The following IER3IP1 variants were observed in gnomAD, a reference collection of about 807,000 sequenced individuals.
IER3IP1 encodes the protein immediate early response 3-interacting protein 1.
A neutral mutation model predicts 12.2 loss-of-function variants in IER3IP1; 16 were observed. The observed-to-expected ratio is 1.31, with a 90% CI of 0.89 to 1.99. IER3IP1 has a LOEUF of 1.99. Among genes scored for constraint, IER3IP1 ranks in the 30% most tolerant of loss-of-function variants. IER3IP1 has a pLI of 0.00. For missense variants in IER3IP1, 95 were observed against 95.8 expected, an observed-to-expected ratio of 0.99 and a Z score of 0.03; for synonymous variants, 42 against 40.0, an observed-to-expected ratio of 1.05 and a Z score of -0.19.
chr18:47,163,552 G>C (rs2063986413), intron 1 of IER3IP1, among the ~76,000 whole-genome samples: 1 of 152,192 alleles, frequency 6.6e-6, no homozygotes, highest in Non-Finnish European at 1.5e-5. Flanking sequence ...TGTGAAATAA[G>C]GGAGGACTAG....
intron 1 of IER3IP1, among the ~76,000 whole-genome samples, chr18:47,168,455 C>A (rs573340960): frequency 6.6e-6 from 1 of 152,172 alleles, no homozygotes; most frequent in South Asian, 2.1e-4. Flanking sequence ...GATTTCAAAA[C>A]CATGAAGGAA....
intron 1 of IER3IP1, among the ~76,000 whole-genome samples, chr18:47,169,922 T>C (rs1164080711): frequency 6.6e-6 from 1 of 152,188 alleles, no homozygotes; most frequent in Admixed American, 6.5e-5. Flanking sequence ...ATGAACTTTT[T>C]AAAATTTTGA....
intron 1 of IER3IP1, among the ~76,000 whole-genome samples, chr18:47,159,502 A>G (rs1398912011): frequency 6.6e-6 from 1 of 152,264 alleles, no homozygotes; most frequent in Non-Finnish European, 1.5e-5. Flanking sequence ...AGAACTCTCA[A>G]AAGTCTCTAC....
Position 47,153,637 on chromosome 18 carries a change from ATG to A in IER3IP1, c.*2538_*2539del, listed in dbSNP as rs966268389. The stretch of plus-strand genomic sequence containing the variant: ...TTAGCTCCCACTTATAAGTAATAAC[ATG>A]TGGTATTTGGTTTTCTGTTCCTACA... On this transcript the variant is annotated 3_prime_UTR_variant, in exon 3 of 3. Coordinates refer to ENST00000256433, the MANE Select transcript of IER3IP1 (RefSeq NM_016097.5). 3.7e-5 allele frequency: 2 copies of A among 53,976 alleles called. No homozygotes were observed. The highest frequency in any genetic ancestry group is 1.0e-4 in the Non-Finnish European group (2 of 19,122). The allele number at this position is 53,976 out of a possible 1,614,324, so 3.3% of individuals were successfully genotyped here. A position where few individuals can be genotyped will look rare whatever the true frequency, so the allele number is the denominator to read the frequency against.
intron 1 of IER3IP1, 59 bp downstream of exon 1, chr18:47,176,128 G>T: frequency 2.1e-6 from 3 of 1,427,802 alleles, no homozygotes; most frequent in Non-Finnish European, 2.9e-6. Flanking sequence ...GCCCCATTAG[G>T]TTACGCGCCC....
rs2064033292 is a variant in IER3IP1, at chr18:47,176,241, G to C, written c.37C>G (p.Leu13Val). The C allele has an allele frequency of 6.2e-7, 1 of 1,609,300 alleles. No homozygotes were observed. Among genetic ancestry groups the C allele is most frequent in the Non-Finnish European group, 8.5e-7 (1 of 1,178,216 alleles). ...ACTGCGATGGCGTTGACGCAGAGCA[G>C]GGCTGCCTGCAGCAGTGAGTACAGG... ...FTLYSLLQAA[L>V]LCVNAIAVLH... Residue 13 changes from leucine (L) to valine (V), a missense_variant, in exon 1 of 3, where the codon CTG (leucine) becomes GTG (valine). Leu to Val is a conservative substitution (Grantham distance 32, BLOSUM62 1). Coordinates refer to ENST00000256433, the MANE Select transcript of IER3IP1 (RefSeq NM_016097.5).
intron 1 of IER3IP1, among the ~76,000 whole-genome samples, chr18:47,165,291 G>A (rs374852519): frequency 1.3e-5 from 2 of 152,144 alleles, no homozygotes; most frequent in East Asian, 1.9e-4. Flanking sequence ...GATGGCTCAC[G>A]CCTGTAATCT....
At position 47,172,759 on chromosome 18, in the gene IER3IP1, A is replaced by G. The variant is rs2064019409; in HGVS notation, c.91+3428T>C. Among the ~76,000 whole-genome samples the G allele has an allele frequency of 6.6e-6, 1 of 152,168 alleles. No homozygotes were observed. ...ACAACTGAAAAGTGTGGAAAGACAAACCACAGATGAGGGGGGACTACTGTA... is the reference window on the plus strand; with the variant it reads ...ACAACTGAAAAGTGTGGAAAGACAAGCCACAGATGAGGGGGGACTACTGTA... On this transcript the variant is annotated intron_variant, in intron 1 of 2. Coordinates refer to ENST00000256433, the MANE Select transcript of IER3IP1 (RefSeq NM_016097.5). This position sits in a 1 kb window ranked among gnomAD's most constrained non-coding sequence, Gnocchi z 4.0.
rs1490525010 is a variant in IER3IP1 at position 47,163,961 on chromosome 18, A to C, written c.92-6424T>G. ...ATTGGTAAAATTATCAATCCTTTCC[A>C]TCCACAGCCACAATTTCGCATATGG... On this transcript the variant is annotated intron_variant, in intron 1 of 2. Transcript: ENST00000256433. Among the ~76,000 whole-genome samples, 10 of 152,210 alleles carry C rather than the reference A, an allele frequency of 6.6e-5. 1 individual carries two copies. In the East Asian group the frequency reaches 1.9e-3, roughly 29 times the overall value.
In IER3IP1 at chr18:47,155,188, G is replaced by A. The variant is rs1236633828; in HGVS notation, c.*989C>T. 6.6e-6 allele frequency: 1 copy of A among 152,064 alleles called. No homozygotes were observed. The highest frequency in any genetic ancestry group is 2.4e-5 in the African/African-American group (1 of 41,420). 9.4% of individuals were successfully genotyped at this position (152,064 alleles called of 1,614,324 possible). A position where few individuals can be genotyped will look rare whatever the true frequency, so the allele number is the denominator to read the frequency against. On this transcript the variant is annotated 3_prime_UTR_variant, in exon 3 of 3. Coordinates refer to ENST00000256433, the MANE Select transcript of IER3IP1 (RefSeq NM_016097.5). ...CTGCATAAAACTGTATTATGAGATA[G>A]GCAAACAATCTCACAAGATGGTCTG...
At chr18:47,170,093 T>TA (rs1382571492) in intron 1 of IER3IP1, among the ~76,000 whole-genome samples, 1 of 152,174 alleles carries the variant, frequency 6.6e-6, no homozygotes, top group Admixed American at 6.5e-5. Context: ...GATTATGAGT[T>TA]AATTTTTGAA....
intron 1 of IER3IP1, among the ~76,000 whole-genome samples, chr18:47,157,982 T>G (rs533738622): frequency 6.6e-6 from 1 of 152,214 alleles, no homozygotes; most frequent in Admixed American, 6.5e-5. Flanking sequence ...TGAGAATCAC[T>G]GTCTACATTA....
intron 1 of IER3IP1, among the ~76,000 whole-genome samples, chr18:47,159,685 C>T (rs2063973381): frequency 6.6e-6 from 1 of 152,030 alleles, no homozygotes; most frequent in East Asian, 1.9e-4. Context: ...AGATTATGGG[C>T]AATTGCATGG....
intron 1 of IER3IP1, among the ~76,000 whole-genome samples, chr18:47,170,035 T>C (rs79906843): frequency 0.016 from 2,473 of 152,284 alleles, 23 homozygotes; most frequent in Non-Finnish European, 0.026. Flanking sequence ...TGTCTGTATG[T>C]TCTTCTAAGG....
rs1600005488 is a variant in IER3IP1 at position 47,176,071 on chromosome 18, A to T, written c.91+116T>A. The T allele has an allele frequency of 4.6e-6, 4 of 861,222 alleles. No individual in the cohort carries two copies. In the East Asian group the frequency reaches 1.1e-4, roughly 23 times the overall value. The allele number at this position is 861,222 out of a possible 1,614,324, so 53.3% of individuals were successfully genotyped here. On this transcript the variant is annotated intron_variant, in intron 1 of 2. Transcript: ENST00000256433. Reference sequence around the variant, plus strand: ...AAGGCTCGGCTTCCACTCCAAGCCGAGCCTTCCGCTGTTCTTCTGTCCCGG... The same window carrying T: ...AAGGCTCGGCTTCCACTCCAAGCCGTGCCTTCCGCTGTTCTTCTGTCCCGG...
In IER3IP1 at chr18:47,176,216, A is replaced by C. The variant is rs387907011; in HGVS notation, c.62T>G (p.Val21Gly). The C allele has an allele frequency of 2.5e-6, 4 of 1,606,954 alleles. No individual in the cohort carries two copies. The Admixed American group carries it at 5.1e-5, about 20-fold the overall frequency. ...CTTGAGGAATCGCTCCTCGTGCAGC[A>C]CTGCGATGGCGTTGACGCAGAGCAG... ...AALLCVNAIA[V>G]LHEERFLKNI... is the part of the protein sequence containing the mutation. The change falls in exon 1 of 3, where the codon GTG (valine) becomes GGG (glycine). Residue 21 changes from valine to glycine, a missense_variant. Transcript: ENST00000256433.
At chr18:47,163,786 C>T (rs1230060537) in intron 1 of IER3IP1, among the ~76,000 whole-genome samples, 1 of 152,068 alleles carries the variant, frequency 6.6e-6, no homozygotes, top group Admixed American at 6.6e-5. Flanking sequence ...AAAAAGAAAG[C>T]CCTCTGCAAT....
chr18:47,156,036 G>T lies in IER3IP1; in HGVS notation c.*141C>A. 8 of 612,060 alleles carry T rather than the reference G, an allele frequency of 1.3e-5. No homozygotes were observed. Among genetic ancestry groups the T allele is most frequent in the African/African-American group, 1.9e-5 (1 of 52,738 alleles). 37.9% of individuals were successfully genotyped at this position (612,060 alleles called of 1,614,324 possible). On this transcript the variant is annotated 3_prime_UTR_variant, in exon 3 of 3. Coordinates refer to ENST00000256433, the MANE Select transcript of IER3IP1 (RefSeq NM_016097.5). ...CATTAAAAAAAAAAACAGATAAATA[G>T]AAACCCTGGTTTTATTTTCAGCTTT... is the stretch of plus-strand genomic sequence containing the variant.
intron 1 of IER3IP1, among the ~76,000 whole-genome samples, chr18:47,169,689 C>T (rs1186635546): frequency 6.6e-6 from 1 of 151,968 alleles, no homozygotes; most frequent in Non-Finnish European, 1.5e-5. Flanking sequence ...GTTTGCACTT[C>T]TCTAATGATT....
Sources: allele counts gnomAD v4.1 joint callset (sites outside exome capture counted in the v4.1 genomes callset), GRCh38; gene constraint gnomAD v4.1.1; non-coding constraint Gnocchi (gnomAD v3.1); transcripts MANE v1.5; gene names NCBI Gene and HGNC (gene_info 2026-07-23, HGNC 2026-07-21).